The following ASPH variants were observed in gnomAD, a reference collection of about 807,000 sequenced individuals.
ASPH encodes aspartyl/asparaginyl beta-hydroxylase.
A neutral mutation model predicts 118.4 loss-of-function variants in ASPH; 100 were observed. That is an observed-to-expected ratio of 0.84 (90% CI 0.72 to 1.00). The LOEUF is 1.00. ASPH is among the 50% of genes least tolerant of loss of function. The probability of loss-of-function intolerance (pLI) is 0.00; values close to 1 mark genes in which losing one functional copy is unlikely to be tolerated. For synonymous variants in ASPH, 315 were observed against 325.6 expected (o/e 0.97, Z 0.35); for missense variants, 920 against 919.5 (o/e 1.00, Z -0.01).
intron 11 of ASPH, 50 bp downstream of exon 11, chr8:61,638,272 T>A (rs1858781249): frequency 6.3e-7 from 1 of 1,579,498 alleles, no homozygotes; most frequent in Non-Finnish European, 8.6e-7. Flanking sequence ...TTTAACAAAA[T>A]ACAGGGAAAG....
intron 22 of ASPH, 140 bp from the exon 23 acceptor site, chr8:61,518,263 G>A: frequency 3.0e-6 from 2 of 661,252 alleles, no homozygotes; most frequent in Non-Finnish European, 5.0e-6. Context: ...AAGTAGGAAT[G>A]CAAAAGGCTT....
chr8:61,523,879 C>T (rs2129622953), intron 22 of ASPH, among the ~76,000 whole-genome samples: 1 of 152,170 alleles, frequency 6.6e-6, no homozygotes, highest in Admixed American at 6.5e-5. Context: ...CACTTGAAGC[C>T]AAGGAGTTCA....
chr8:61,559,331 G>A (rs1828974863), intron 18 of ASPH, among the ~76,000 whole-genome samples: 1 of 152,214 alleles, frequency 6.6e-6, no homozygotes, highest in Non-Finnish European at 1.5e-5. Context: ...CAGACTATCA[G>A]TAGTTAAGTT....
chr8:61,591,472 A>T (rs1298013570), intron 14 of ASPH, among the ~76,000 whole-genome samples: 1 of 152,036 alleles, frequency 6.6e-6, no homozygotes, highest in East Asian at 1.9e-4. Flanking sequence ...TTTATTCTAC[A>T]TCTTATTCCA....
In ASPH at chr8:61,644,610, C is replaced by G. The variant is rs147373850; in HGVS notation, c.642G>C (p.Val214=). The change falls in exon 7 of 25, where the codon GTG becomes GTC. Residue 214 remains valine, a synonymous_variant. Transcript: ENST00000379454. ...AAATTAAAATCTCACCTGTCTCTTC[C>G]ACGTGGTAACTATGCTCGGTTTCTG... ...SHEETEHSYH[V]EETVSQDCNQ... is the part of the protein sequence containing the mutation. 2.3e-5 allele frequency: 36 copies of G among 1,583,204 alleles called. No individual in the cohort carries two copies. The African/African-American group carries it at 4.9e-4, about 22-fold the overall frequency.
At chr8:61,672,225 A>AT (rs1399991976) in intron 3 of ASPH, among the ~76,000 whole-genome samples, 1 of 152,180 alleles carries the variant, frequency 6.6e-6, no homozygotes, top group Non-Finnish European at 1.5e-5. Flanking sequence ...AATAGATGTA[A>AT]TAATATAGTA....
At chr8:61,558,762 CA>C (rs767529627) in intron 18 of ASPH, among the ~76,000 whole-genome samples, 41 of 152,260 alleles carry the variant, frequency 2.7e-4, no homozygotes, top group Admixed American at 3.3e-4. Context: ...TAGTTGTAAT[CA>C]ACAAACCCTC....
intron 16 of ASPH, among the ~76,000 whole-genome samples, chr8:61,569,864 A>ATC (rs1832924797): frequency 6.6e-6 from 1 of 152,226 alleles, no homozygotes. Context: ...CACACTGATC[A>ATC]TGATGCTGGC....
intron 20 of ASPH, among the ~76,000 whole-genome samples, chr8:61,549,621 A>AT (rs1268222583): frequency 6.6e-5 from 10 of 152,150 alleles, no homozygotes; most frequent in African/African-American, 9.7e-5. Context: ...TTGTTATCTA[A>AT]TTTTTTTAAA....
At chr8:61,521,360 G>A (rs1812922928) in intron 22 of ASPH, among the ~76,000 whole-genome samples, 1 of 151,904 alleles carries the variant, frequency 6.6e-6, no homozygotes, top group East Asian at 1.9e-4. Context: ...TTGGATAACT[G>A]TGCCAAGTCT....
Position 61,567,261 on chromosome 8 carries a change from C to T in ASPH, c.1207G>A (p.Glu403Lys), listed in dbSNP as rs368575612. 106 of 1,614,134 alleles carry T rather than the reference C, an allele frequency of 6.6e-5. No individual in the cohort carries two copies. The highest frequency in any genetic ancestry group is 2.7e-4 in the East Asian group (12 of 44,876). ...AGGCTGGCCACCTCTTGGTAGGTCTCGATGGCTCCACGTAGCACCTCATTA... is the reference window on the plus strand; with the variant it reads ...AGGCTGGCCACCTCTTGGTAGGTCTTGATGGCTCCACGTAGCACCTCATTA... ...RSNEVLRGAI[E>K]TYQEVASLPD... Residue 403 changes from glutamate to lysine, a missense_variant, in exon 17 of 25, where the codon GAG becomes AAG. Glu to Lys is a moderately conservative substitution (Grantham distance 56). Coordinates refer to ENST00000379454, the MANE Select transcript of ASPH (RefSeq NM_004318.4).
chr8:61,672,665 C>T (rs1158921811), intron 3 of ASPH, among the ~76,000 whole-genome samples: 5 of 152,008 alleles, frequency 3.3e-5, no homozygotes, highest in African/African-American at 4.8e-5. Flanking sequence ...CAAATAAAAC[C>T]GAAGATCTGG....
intron 18 of ASPH, among the ~76,000 whole-genome samples, chr8:61,561,132 GAGGGAGGA>G (rs1437931222): frequency 1.8e-4 from 15 of 82,104 alleles, no homozygotes; most frequent in African/African-American, 1.2e-3. Flanking sequence ...GGGAGGGAGG[GAGGGAGGA>G]AGGAAGTTAG....
chr8:61,599,965 C>A (rs922713061), intron 14 of ASPH, among the ~76,000 whole-genome samples: 4 of 152,018 alleles, frequency 2.6e-5, no homozygotes, highest in African/African-American at 9.7e-5. Flanking sequence ...ACAACAAGAA[C>A]AACAAAAAAA....
intron 21 of ASPH, among the ~76,000 whole-genome samples, chr8:61,533,525 C>T (rs2129633092): frequency 6.6e-6 from 1 of 152,246 alleles, no homozygotes; most frequent in African/African-American, 2.4e-5. Context: ...GCTGTCAGTC[C>T]TATAAAATTG....
At chr8:61,543,873 T>C (rs1822845388) in intron 21 of ASPH, among the ~76,000 whole-genome samples, 1 of 152,230 alleles carries the variant, frequency 6.6e-6, no homozygotes, top group African/African-American at 2.4e-5. Context: ...GCCTTACCTG[T>C]AGTTGCTCTG....
intron 14 of ASPH, among the ~76,000 whole-genome samples, chr8:61,594,230 C>T (rs1005903147): frequency 6.1e-4 from 93 of 151,912 alleles, no homozygotes; most frequent in African/African-American, 2.3e-3. Flanking sequence ...AAATTATTTG[C>T]ACAACACATT....
chr8:61,573,873 T>C (rs533457234), intron 16 of ASPH, among the ~76,000 whole-genome samples: 1 of 152,262 alleles, frequency 6.6e-6, no homozygotes, highest in Admixed American at 6.5e-5. Context: ...CTAAAGAGCT[T>C]CTGCACAGCA....
At chr8:61,555,815 T>A (rs1325649567) in intron 19 of ASPH, 109 bp downstream of exon 19, 1 of 928,350 alleles carries the variant, frequency 1.1e-6, no homozygotes, top group Non-Finnish European at 1.6e-6. Context: ...ATCCTGAGGA[T>A]GAAAATACTC....
Sources: gnomAD v4.1 joint callset for allele counts (sites outside exome capture counted in the v4.1 genomes callset) on GRCh38, gnomAD v4.1.1 for gene constraint, MANE v1.5 for transcripts, NCBI Gene and HGNC (gene_info 2026-07-23, HGNC 2026-07-21) for gene names.